The following ABLIM1 variants were observed in gnomAD, a reference collection of about 807,000 sequenced individuals.
ABLIM1 encodes actin-binding LIM protein 1.
Under a neutral mutation model 107.0 loss-of-function variants are expected in ABLIM1, and 40 were observed. The observed-to-expected ratio is 0.37, with a 90% CI of 0.29 to 0.49. The LOEUF is 0.49. Among genes scored for constraint, ABLIM1 ranks in the 20% least tolerant of loss-of-function variants. ABLIM1 has a pLI of 0.97. For missense variants in ABLIM1, 857 were observed against 1,008.5 expected (o/e 0.85, Z 2.04); for synonymous variants, 357 against 357.3 (o/e 1.00, Z 0.01).
At chr10:114,503,230 C>T (rs928205509) in intron 6 of ABLIM1, among the ~76,000 whole-genome samples, 2 of 152,110 alleles carry the variant, frequency 1.3e-5, no homozygotes, top group African/African-American at 2.4e-5. Flanking sequence ...GCAGGTGGAT[C>T]GCTTGAGCCC....
intron 6 of ABLIM1, chr10:114,502,148 T>C (rs1419245648): frequency 1.2e-5 from 2 of 169,850 alleles, no homozygotes; most frequent in Admixed American, 1.2e-4. Context: ...ACATACTTTG[T>C]TGAAAGCGGG....
intron 1 of ABLIM1, among the ~76,000 whole-genome samples, chr10:114,647,452 A>T (rs1004500701): frequency 6.6e-6 from 1 of 152,222 alleles, no homozygotes; most frequent in Admixed American, 6.5e-5. Context: ...CAGGGAAAAG[A>T]CCAATATGAA....
At chr10:114,567,713 C>T (rs1253645475) in intron 4 of ABLIM1, among the ~76,000 whole-genome samples, 1 of 152,228 alleles carries the variant, frequency 6.6e-6, no homozygotes, top group Non-Finnish European at 1.5e-5. Context: ...TATCTGCTGT[C>T]TTCCCCTCCT....
At chr10:114,733,947 GC>G (rs772536015) in intron 1 of ABLIM1, among the ~76,000 whole-genome samples, 1 of 151,960 alleles carries the variant, frequency 6.6e-6, no homozygotes, top group Non-Finnish European at 1.5e-5. Flanking sequence ...TGCAATCTCT[GC>G]CTCCCAGATT....
intron 1 of ABLIM1, among the ~76,000 whole-genome samples, chr10:114,709,744 A>T (rs1246270329): frequency 6.8e-6 from 1 of 147,254 alleles, no homozygotes; most frequent in African/African-American, 2.7e-5. Flanking sequence ...TTATACAGGT[A>T]CGTCAGAACA....
intron 17 of ABLIM1, among the ~76,000 whole-genome samples, chr10:114,443,654 T>C (rs1439254064): frequency 1.5e-5 from 2 of 131,314 alleles, no homozygotes; most frequent in African/African-American, 5.9e-5. Flanking sequence ...GCTTAGAAAA[T>C]GTCTTATTCA....
At chr10:114,769,419 GAAGGAAA>G (rs1202937534), upstream of ABLIM1, among the ~76,000 whole-genome samples, 6 of 7,856 alleles carry the variant, frequency 7.6e-4, no homozygotes, top group Non-Finnish European at 1.6e-3. Context: ...AGAAAGAAAA[GAAGGAAA>G]GAAAGAAAGA....
At chr10:114,513,874 C>A (rs893197010) in intron 6 of ABLIM1, among the ~76,000 whole-genome samples, 16 of 152,198 alleles carry the variant, frequency 1.1e-4, no homozygotes, top group Middle Eastern at 6.8e-3. Flanking sequence ...TAAGATGTGC[C>A]AAGTTTGGGT....
intron 2 of ABLIM1, chr10:114,595,124 C>T (rs2075286778): frequency 8.7e-6 from 1 of 114,294 alleles, no homozygotes; most frequent in Non-Finnish European, 1.8e-5. Context: ...TCTAAATGGT[C>T]TAGAAGTTTC....
chr10:114,481,162 C>T (rs1201093270), intron 8 of ABLIM1, among the ~76,000 whole-genome samples: 4 of 152,070 alleles, frequency 2.6e-5, no homozygotes, highest in Admixed American at 2.6e-4. Flanking sequence ...AAAACACTTA[C>T]CAGAGCTCTG....
At chr10:114,463,301 G>T in intron 12 of ABLIM1, 1 of 979,758 alleles carries the variant, frequency 1.0e-6, no homozygotes, top group Non-Finnish European at 1.3e-6. Flanking sequence ...TGAAAAGGGA[G>T]GAAGGAGAAA....
chr10:114,737,031 A>T (rs1415840581), intron 1 of ABLIM1, among the ~76,000 whole-genome samples: 1 of 152,058 alleles, frequency 6.6e-6, no homozygotes, highest in Non-Finnish European at 1.5e-5. Flanking sequence ...TCTACTAAAA[A>T]TATAAAAATT....
intron 14 of ABLIM1, among the ~76,000 whole-genome samples, chr10:114,449,286 T>C (rs1418038312): frequency 6.6e-6 from 1 of 152,222 alleles, no homozygotes; most frequent in Non-Finnish European, 1.5e-5. Flanking sequence ...TCAAAATGTA[T>C]TTATAATGCC....
chr10:114,532,706 T>C (rs920104589), intron 6 of ABLIM1, among the ~76,000 whole-genome samples: 14 of 152,180 alleles, frequency 9.2e-5, no homozygotes, highest in African/African-American at 2.9e-4. Context: ...TAAACATTCA[T>C]GGAGAGGCCA....
intron 12 of ABLIM1, chr10:114,463,209 A>G: frequency 2.5e-6 from 3 of 1,218,050 alleles, no homozygotes; most frequent in South Asian, 1.5e-5. Context: ...GAAACAGAAA[A>G]GAAGAACAGA....
At chr10:114,770,614 T>C (rs530699437), upstream of ABLIM1, among the ~76,000 whole-genome samples, 1 of 152,344 alleles carries the variant, frequency 6.6e-6, no homozygotes, top group Admixed American at 6.5e-5. Context: ...CTGTGGCATT[T>C]ACTTTCAGAA....
At chr10:114,579,799 A>G (rs982278195) in intron 2 of ABLIM1, among the ~76,000 whole-genome samples, 1 of 152,168 alleles carries the variant, frequency 6.6e-6, no homozygotes, top group Non-Finnish European at 1.5e-5. Context: ...ATCTCTATGA[A>G]TTTAACTCCT....
At chr10:114,787,708 G>C in the ABLIM1 span, among the ~76,000 whole-genome samples, 3 of 127,968 alleles carry the variant, frequency 2.3e-5, no homozygotes, top group South Asian at 2.7e-4. Flanking sequence ...AGGGAGGTGG[G>C]GGGGTCAGCC....
intron 2 of ABLIM1, among the ~76,000 whole-genome samples, chr10:114,588,837 C>T (rs1258248160): frequency 2.0e-5 from 3 of 151,924 alleles, no homozygotes; most frequent in Non-Finnish European, 4.4e-5. Flanking sequence ...TTTTCATGGA[C>T]CTATATTTTT....
Sources: gnomAD v4.1 joint callset for allele counts (sites outside exome capture counted in the v4.1 genomes callset) on GRCh38, gnomAD v4.1.1 for gene constraint, MANE v1.5 for transcripts, NCBI Gene and HGNC (gene_info 2026-07-23, HGNC 2026-07-21) for gene names.